Variants in NAV3 observed in about 807,000 individuals in gnomAD.
NAV3 encodes the protein pore membrane and/or filament interacting like protein 1.
In NAV3, 87 loss-of-function variants were observed where a neutral mutation model predicts 244.7. The observed-to-expected ratio is 0.36, with a 90% CI of 0.30 to 0.42. NAV3 has a LOEUF of 0.42. NAV3 is among the 20% of genes least tolerant of loss of function. The probability of loss-of-function intolerance (pLI) is 1.00; values close to 1 mark genes in which losing one functional copy is unlikely to be tolerated. For missense variants in NAV3, 2,663 were observed against 2,893.3 expected (o/e 0.92, Z 1.83); for synonymous variants, 1,126 against 1,042.2 (o/e 1.08, Z -1.55).
intron 38 of NAV3, among the ~76,000 whole-genome samples, chr12:78,203,387 A>G (rs1474009595): frequency 1.3e-5 from 2 of 152,138 alleles, no homozygotes; most frequent in African/African-American, 4.8e-5. Flanking sequence ...GCTATATGTT[A>G]CATCTATAAA....
intron 2 of NAV3, among the ~76,000 whole-genome samples, chr12:77,661,221 A>G (rs1173267194): frequency 1.3e-5 from 2 of 152,002 alleles, no homozygotes; most frequent in Non-Finnish European, 2.9e-5. Context: ...GAGAGTTCTA[A>G]TTTTGCATAC....
At chr12:78,061,780 C>G (rs1884361737) in intron 12 of NAV3, among the ~76,000 whole-genome samples, 1 of 151,828 alleles carries the variant, frequency 6.6e-6, no homozygotes, top group South Asian at 2.1e-4. Flanking sequence ...TAGGCAAGAA[C>G]AGATATAAGA....
intron 2 of NAV3, among the ~76,000 whole-genome samples, chr12:77,647,462 G>T (rs952344145): frequency 2.7e-5 from 4 of 148,998 alleles, no homozygotes; most frequent in South Asian, 2.1e-4. Flanking sequence ...CTTTTTTTTT[G>T]TTTTGTTTTT....
At chr12:77,786,987 T>C (rs1870932975) in intron 2 of NAV3, among the ~76,000 whole-genome samples, 2 of 152,124 alleles carry the variant, frequency 1.3e-5, no homozygotes, top group South Asian at 4.1e-4. Context: ...TATTAATTAC[T>C]ATAAGTTCGT....
chr12:77,893,656 G>A (rs999541576), intron 1 of NAV3, among the ~76,000 whole-genome samples: 1 of 152,002 alleles, frequency 6.6e-6, no homozygotes, highest in African/African-American at 2.4e-5. Flanking sequence ...TCAAGGATGA[G>A]TTTTACTCAA....
chr12:78,116,945 C>CTTT (rs1413466672), intron 13 of NAV3, 41 bp downstream of exon 13: 105 of 1,603,096 alleles, frequency 6.5e-5, no homozygotes, highest in Non-Finnish European at 8.6e-5. Flanking sequence ...TTTCTGCCAG[C>CTTT]TTTTTCCCCA....
At chr12:77,590,544 G>C (rs1319309461) in intron 2 of NAV3, among the ~76,000 whole-genome samples, 3 of 152,124 alleles carry the variant, frequency 2.0e-5, no homozygotes, top group Non-Finnish European at 1.5e-5. Flanking sequence ...AGGGGATGGG[G>C]AAAAATAACT....
At chr12:77,943,118 T>A (rs1276537443) in intron 3 of NAV3, among the ~76,000 whole-genome samples, 1 of 152,166 alleles carries the variant, frequency 6.6e-6, no homozygotes, top group Non-Finnish European at 1.5e-5. Flanking sequence ...AGAGATGCTG[T>A]TTTTACCTAT....
chr12:78,204,874 C>A, intron 38 of NAV3, 61 bp from the exon 39 acceptor site: 1 of 1,468,602 alleles, frequency 6.8e-7, no homozygotes, highest in South Asian at 1.2e-5. Flanking sequence ...ACTAGCAGTC[C>A]CCTTTTTTGC....
At chr12:77,769,765 G>A (rs746098914) in intron 2 of NAV3, among the ~76,000 whole-genome samples, 6 of 152,186 alleles carry the variant, frequency 3.9e-5, no homozygotes, top group Admixed American at 1.3e-4. Context: ...AACAGTTACA[G>A]TCTTTATTAT....
At chr12:78,177,455 A>G in intron 27 of NAV3, 142 bp downstream of exon 27, 2 of 1,151,082 alleles carry the variant, frequency 1.7e-6, no homozygotes, top group Non-Finnish European at 2.4e-6. Flanking sequence ...TTCTCTTTTC[A>G]TATTTCTCTT....
chr12:78,111,976 A>C (rs1955115945), intron 12 of NAV3, among the ~76,000 whole-genome samples: 3 of 152,206 alleles, frequency 2.0e-5, no homozygotes, highest in Admixed American at 2.0e-4. Context: ...CACGTTGCAA[A>C]CTAAATAATC....
intron 2 of NAV3, among the ~76,000 whole-genome samples, chr12:77,811,548 T>C (rs963139218): frequency 6.6e-6 from 1 of 152,228 alleles, no homozygotes; most frequent in East Asian, 1.9e-4. Context: ...TTATTTAATC[T>C]TCCACATTTG....
At chr12:77,813,505 A>C (rs1027585243) in intron 2 of NAV3, among the ~76,000 whole-genome samples, 3 of 152,170 alleles carry the variant, frequency 2.0e-5, no homozygotes, top group Admixed American at 2.0e-4. Flanking sequence ...AGATCACCAG[A>C]TATCATTGAT....
At chr12:77,833,463 T>A (rs891829246) in intron 1 of NAV3, among the ~76,000 whole-genome samples, 1 of 152,178 alleles carries the variant, frequency 6.6e-6, no homozygotes, top group African/African-American at 2.4e-5. Flanking sequence ...GTGGCTTACG[T>A]CTTCAATGCC....
chr12:78,181,016 A>G lies in NAV3; in HGVS notation c.5663A>G (p.Asn1888Ser). 2 of 1,613,050 alleles carry G rather than the reference A, an allele frequency of 1.2e-6. No individual in the cohort carries two copies. Among genetic ancestry groups the G allele is most frequent in the South Asian group, 1.1e-5 (1 of 91,036 alleles). ...CAGTCATTAGGACTTTCTCTAAACA[A>G]TTTGAACATCACAGAGGCTGTTAGC... ...SRQSLGLSLNNLNITEAVSSD... is the reference protein window; with the variant it reads ...SRQSLGLSLNSLNITEAVSSD... The change falls in exon 30 of 40, where the codon AAT becomes AGT. Residue 1888 changes from asparagine (N) to serine (S), a missense_variant. Coordinates refer to ENST00000397909, the MANE Select transcript of NAV3 (RefSeq NM_001024383.2).
chr12:78,117,011 C>T lies in NAV3; in HGVS notation c.2769+107C>T, dbSNP rs572323056. 3.0e-5 allele frequency: 38 copies of T among 1,269,780 alleles called. No homozygotes were observed. The East Asian group carries it at 7.9e-4, about 27-fold the overall frequency. The allele number at this position is 1,269,780 out of a possible 1,614,324, so 78.7% of individuals were successfully genotyped here. ...ACAAGCCCTTAATCCAAAATTATTA[C>T]AGAAACTGGAAAATGCAGAGATAAT... On this transcript the variant is annotated intron_variant, in intron 13 of 39. Transcript: ENST00000397909.
intron 18 of NAV3, among the ~76,000 whole-genome samples, chr12:78,133,409 A>G (rs1430160256): frequency 6.6e-6 from 1 of 151,112 alleles, no homozygotes; most frequent in Non-Finnish European, 1.5e-5. Context: ...ATATATATAT[A>G]TATACTTACC....
intron 2 of NAV3, among the ~76,000 whole-genome samples, chr12:77,798,759 T>C (rs1481393364): frequency 6.6e-6 from 1 of 152,214 alleles, no homozygotes; most frequent in Admixed American, 6.5e-5. Context: ...GGATTAGGCT[T>C]TGTTTGTTAC....
Sources: gnomAD v4.1 joint callset for allele counts (sites outside exome capture counted in the v4.1 genomes callset) on GRCh38, gnomAD v4.1.1 for gene constraint, MANE v1.5 for transcripts, NCBI Gene and HGNC (gene_info 2026-07-23, HGNC 2026-07-21) for gene names.